PRKN: variants seen among roughly 807,000 people sequenced by gnomAD.
The protein encoded by PRKN is E3 ubiquitin-protein ligase parkin.
PRKN carries 56 observed loss-of-function variants against 59.5 expected under a neutral mutation model. The ratio of observed to expected loss-of-function variants is 0.94; its 90% CI spans 0.76 to 1.18. The LOEUF is 1.18. PRKN is among the 50% of genes most tolerant of loss of function. PRKN has a pLI of 0.00. For synonymous variants in PRKN, 250 were observed against 222.1 expected, an observed-to-expected ratio of 1.13 and a Z score of -1.12; for missense variants, 657 against 596.4, an observed-to-expected ratio of 1.10 and a Z score of -1.06.
At chr6:162,504,746 T>C (rs1037423522) in intron 1 of PRKN, among the ~76,000 whole-genome samples, 1 of 152,124 alleles carries the variant, frequency 6.6e-6, no homozygotes, top group Non-Finnish European at 1.5e-5. Flanking sequence ...TTAGACAAAC[T>C]ATAACCCAAG....
intron 5 of PRKN, among the ~76,000 whole-genome samples, chr6:161,980,541 G>C (rs1781222171): frequency 1.3e-5 from 2 of 152,200 alleles, no homozygotes; most frequent in Admixed American, 6.5e-5. Flanking sequence ...AGCCACTTGA[G>C]ATTAGCGTCA....
At chr6:161,364,473 CAAAAAAAAAAAAA>C (rs57773007) in intron 10 of PRKN, among the ~76,000 whole-genome samples, 3 of 37,898 alleles carry the variant, frequency 7.9e-5, no homozygotes, top group Non-Finnish European at 1.3e-4. Flanking sequence ...ACCCGCCCCG[CAAAAAAAAAAAAA>C]AAAAAAAAAA....
At chr6:162,021,084 C>A (rs1783130273) in intron 5 of PRKN, among the ~76,000 whole-genome samples, 3 of 129,054 alleles carry the variant, frequency 2.3e-5, no homozygotes, top group South Asian at 2.5e-4. Context: ...GCCTGGGTGA[C>A]AGAACGAGAC....
chr6:162,363,052 C>T (rs1468789077), intron 2 of PRKN, among the ~76,000 whole-genome samples: 1 of 149,894 alleles, frequency 6.7e-6, no homozygotes, highest in Non-Finnish European at 1.5e-5. Context: ...GGCATGAACC[C>T]AGGAGGCAAA....
intron 1 of PRKN, among the ~76,000 whole-genome samples, chr6:162,724,674 GAA>G (rs1779058526): frequency 6.6e-6 from 1 of 152,152 alleles, no homozygotes; most frequent in Admixed American, 6.5e-5. Context: ...CTAGACCCAG[GAA>G]AAGTCTTGAT....
intron 2 of PRKN, among the ~76,000 whole-genome samples, chr6:162,284,219 T>C (rs111627508): frequency 0.013 from 1,176 of 87,598 alleles, 26 homozygotes; most frequent in Middle Eastern, 0.05. Flanking sequence ...TTCTTTCTTT[T>C]TTTTTTTTTT....
intron 2 of PRKN, among the ~76,000 whole-genome samples, chr6:162,415,813 C>A (rs570796006): frequency 5.2e-4 from 79 of 151,858 alleles, no homozygotes; most frequent in African/African-American, 1.8e-3. Flanking sequence ...GAGACTGTCT[C>A]AAAAAAAGTT....
chr6:161,693,092 G>A (rs1255674422), intron 7 of PRKN, among the ~76,000 whole-genome samples: 1 of 151,390 alleles, frequency 6.6e-6, no homozygotes, highest in Non-Finnish European at 1.5e-5. Flanking sequence ...CATAAAAATA[G>A]ATGTCTTTAG....
At chr6:162,333,228 CT>C (rs200926335) in intron 2 of PRKN, among the ~76,000 whole-genome samples, 28,405 of 137,688 alleles carry the variant, frequency 0.21, 2,693 homozygotes, top group East Asian at 0.51. Context: ...ACATTAAAAT[CT>C]TTTTTTTTTT....
At chr6:161,630,005 A>G (rs1442093414) in intron 7 of PRKN, among the ~76,000 whole-genome samples, 2 of 152,166 alleles carry the variant, frequency 1.3e-5, no homozygotes, top group Non-Finnish European at 2.9e-5. Flanking sequence ...GCTTTGGTGC[A>G]CCCTGAGTTG....
chr6:162,510,909 C>T (rs1000781640), intron 1 of PRKN, among the ~76,000 whole-genome samples: 6 of 151,580 alleles, frequency 4.0e-5, no homozygotes, highest in African/African-American at 9.7e-5. Context: ...GGCAATAGAG[C>T]GAGACTCAGT....
At chr6:161,523,226 A>C (rs1778901322) in intron 9 of PRKN, among the ~76,000 whole-genome samples, 1 of 152,200 alleles carries the variant, frequency 6.6e-6, no homozygotes, top group African/African-American at 2.4e-5. Context: ...TCTCATAACA[A>C]ATCAGCTTCA....
At position 161,434,358 on chromosome 6, in the gene PRKN, G is replaced by A. The variant is rs111491024; in HGVS notation, c.1084-47481C>T. On this transcript the variant is annotated intron_variant, in intron 9 of 11. Transcript: ENST00000366898. Reference sequence around the variant, plus strand: ...CTTTTTTCCTCTGCCATTATCCCAGGCTAACGTCTACGGTGCAGGGTGAGG... The same window carrying A: ...CTTTTTTCCTCTGCCATTATCCCAGACTAACGTCTACGGTGCAGGGTGAGG... Among the ~76,000 whole-genome samples, 10 of 152,230 alleles carry A rather than the reference G, an allele frequency of 6.6e-5. 1 individual carries two copies. Among genetic ancestry groups the A allele is most frequent in the African/African-American group, 2.4e-4 (10 of 41,518 alleles).
chr6:162,646,372 C>T (rs1778187303), intron 1 of PRKN, among the ~76,000 whole-genome samples: 1 of 151,960 alleles, frequency 6.6e-6, no homozygotes, highest in African/African-American at 2.4e-5. Context: ...CCCTGGGCTC[C>T]AGGGATCCTC....
chr6:162,144,509 G>A (rs1371103334), intron 4 of PRKN, among the ~76,000 whole-genome samples: 2 of 152,182 alleles, frequency 1.3e-5, no homozygotes, highest in Non-Finnish European at 2.9e-5. Context: ...ATCAGCTGGT[G>A]TAGGTTTATG....
rs62435893 is a variant in PRKN at position 161,397,657 on chromosome 6, A to T, written c.1084-10780T>A. Among the ~76,000 whole-genome samples the T allele has an allele frequency of 0.068, 10,343 of 152,230 alleles. 414 individuals are homozygous for T. Among genetic ancestry groups the T allele is most frequent in the Non-Finnish European group, 0.08 (5,471 of 67,996 alleles). ...ACGTGATTATCATGAAGTTGCAAGG[A>T]CCTAACAGAATAATGGCAATCATCA... On this transcript the variant is annotated intron_variant, in intron 9 of 11. Transcript: ENST00000366898. This position sits in a 1 kb window ranked among gnomAD's most constrained non-coding sequence, Gnocchi z 4.2.
intron 2 of PRKN, among the ~76,000 whole-genome samples, chr6:162,419,751 CAG>C (rs1465576131): frequency 1.3e-5 from 2 of 151,108 alleles, no homozygotes; most frequent in Non-Finnish European, 2.9e-5. Flanking sequence ...GAGAGAGAGA[CAG>C]ACACAGAGAT....
Position 161,359,542 on chromosome 6 carries a change from G to A in PRKN, c.1285+546C>T, listed in dbSNP as rs1423708811. 6.6e-6 allele frequency among the ~76,000 whole-genome samples: 1 copy of A among 152,240 alleles called. No homozygotes were observed. The highest frequency in any genetic ancestry group is 6.5e-5 in the Admixed American group (1 of 15,290). The stretch of plus-strand genomic sequence containing the variant: ...TTGAGAAAGGGCTCTCGGACCACTG[G>A]TTGTGATGGCTTTGCCCTGAGTGGC... On this transcript the variant is annotated intron_variant, in intron 11 of 11. Transcript: ENST00000366898. This position sits in a 1 kb window ranked among gnomAD's most constrained non-coding sequence, Gnocchi z 5.4.
Position 161,526,428 on chromosome 6 carries a change from GCA to G in PRKN, c.1083+22424_1083+22425del, listed in dbSNP as rs746802372. On this transcript the variant is annotated intron_variant, in intron 9 of 11. Coordinates refer to ENST00000366898, the MANE Select transcript of PRKN (RefSeq NM_004562.3). The surrounding 1 kb of genome is among the most constrained non-coding windows in gnomAD (Gnocchi z 4.1). ...ACAATGGGCAAAAAGTTTCTCGAAT[GCA>G]CACAAACTAAAATATTAAGTGATAT... 6.6e-6 allele frequency among the ~76,000 whole-genome samples: 1 copy of G among 152,148 alleles called. No individual in the cohort carries two copies. The highest frequency in any genetic ancestry group is 1.5e-5 in the Non-Finnish European group (1 of 68,018).
Sources: allele counts gnomAD v4.1 joint callset (sites outside exome capture counted in the v4.1 genomes callset), GRCh38; gene constraint gnomAD v4.1.1; non-coding constraint Gnocchi (gnomAD v3.1); transcripts MANE v1.5; gene names NCBI Gene and HGNC (gene_info 2026-07-23, HGNC 2026-07-21).